The following CDK5RAP2 variants were observed in gnomAD, a reference collection of about 807,000 sequenced individuals.
CDK5RAP2 encodes the protein CDK5 regulatory subunit-associated protein 2.
A neutral mutation model predicts 232.9 loss-of-function variants in CDK5RAP2; 147 were observed. The observed-to-expected ratio is 0.63, with a 90% CI of 0.55 to 0.72. The LOEUF (loss-of-function observed/expected upper bound fraction) is 0.72. Ranked by LOEUF, CDK5RAP2 falls within the 30% of genes least tolerant of loss-of-function variation. CDK5RAP2 has a pLI of 0.00. For synonymous variants in CDK5RAP2, 833 were observed against 833.7 expected (o/e 1.00, Z 0.01); for missense variants, 2,195 against 2,231.5 (o/e 0.98, Z 0.33).
intron 15 of CDK5RAP2, 121 bp from the exon 16 acceptor site, chr9:120,471,999 T>C: frequency 7.8e-7 from 1 of 1,280,644 alleles, no homozygotes; most frequent in South Asian, 1.2e-5. Flanking sequence ...TATAAAAGTA[T>C]ATACAGGTTT....
chr9:120,425,732 C>A (rs2034854273), intron 25 of CDK5RAP2, among the ~76,000 whole-genome samples: 1 of 152,186 alleles, frequency 6.6e-6, no homozygotes, highest in Admixed American at 6.5e-5. Context: ...CCTACATGAC[C>A]CAGATGTTTC....
At chr9:120,487,558 T>C (rs1207299255) in intron 13 of CDK5RAP2, 121 bp from the exon 14 acceptor site, 1 of 738,280 alleles carries the variant, frequency 1.4e-6, no homozygotes, top group African/African-American at 1.8e-5. Flanking sequence ...ATCCCCTACA[T>C]AATTTTCATC....
chr9:120,422,467 T>C (rs1343159732), intron 26 of CDK5RAP2, among the ~76,000 whole-genome samples: 1 of 152,198 alleles, frequency 6.6e-6, no homozygotes, highest in African/African-American at 2.4e-5. Flanking sequence ...AATCACCTGA[T>C]AGAGATGACA....
chr9:120,533,538 G>A (rs1370827970), intron 7 of CDK5RAP2, among the ~76,000 whole-genome samples: 1 of 151,304 alleles, frequency 6.6e-6, no homozygotes, highest in Admixed American at 6.6e-5. Context: ...AGTGGCTCAT[G>A]TCTGTAATCC....
chr9:120,475,360 G>A (rs921751138), intron 15 of CDK5RAP2, among the ~76,000 whole-genome samples: 1 of 152,072 alleles, frequency 6.6e-6, no homozygotes, highest in African/African-American at 2.4e-5. Flanking sequence ...GCCCTGACCC[G>A]CCTCAGTCCC....
chr9:120,486,706 G>T (rs1332493567), intron 14 of CDK5RAP2, among the ~76,000 whole-genome samples: 1 of 152,032 alleles, frequency 6.6e-6, no homozygotes, highest in Non-Finnish European at 1.5e-5. Flanking sequence ...GGAAAACGGG[G>T]GACCACACTA....
At chr9:120,446,004 C>A (rs1588356399) in intron 22 of CDK5RAP2, among the ~76,000 whole-genome samples, 1 of 152,248 alleles carries the variant, frequency 6.6e-6, no homozygotes, top group Non-Finnish European at 1.5e-5. Flanking sequence ...CAACTCCATC[C>A]TTCCAAAGGT....
At position 120,580,113 on chromosome 9, in the gene CDK5RAP2, T is replaced by C; in HGVS notation, c.-135A>G. The C allele has an allele frequency of 6.7e-6, 4 of 593,530 alleles. No individual in the cohort carries two copies. The highest frequency in any genetic ancestry group is 3.0e-5 in the East Asian group (1 of 33,118). The allele number at this position is 593,530 out of a possible 1,614,324, so 36.8% of individuals were successfully genotyped here. A position where few individuals can be genotyped will look rare whatever the true frequency, so the allele number is the denominator to read the frequency against. On this transcript the variant is annotated 5_prime_UTR_variant, in exon 1 of 38. Coordinates refer to ENST00000349780, the MANE Select transcript of CDK5RAP2 (RefSeq NM_018249.6). ...CTTGTTCAGACTCTGGCGGCGCCGC[T>C]GGAATTCAAACCACAGACGCCGCCA...
chr9:120,446,621 A>ATTC (rs2036208696), intron 22 of CDK5RAP2, among the ~76,000 whole-genome samples: 17 of 152,274 alleles, frequency 1.1e-4, no homozygotes, highest in Non-Finnish European at 7.4e-5. Flanking sequence ...GAGTCCTAGA[A>ATTC]TGGCCTTTGA....
At position 120,403,166 on chromosome 9, in the gene CDK5RAP2, A is replaced by G; in HGVS notation, c.5042-95T>C. The G allele has an allele frequency of 1.5e-6, 2 of 1,345,822 alleles. No homozygotes were observed. Among genetic ancestry groups the G allele is most frequent in the South Asian group, 1.2e-5 (1 of 82,104 alleles). The allele number at this position is 1,345,822 out of a possible 1,614,324, so 83.4% of individuals were successfully genotyped here. A position where few individuals can be genotyped will look rare whatever the true frequency, so the allele number is the denominator to read the frequency against. On this transcript the variant is annotated intron_variant, in intron 33 of 37. Transcript: ENST00000349780. This position sits in a 1 kb window ranked among gnomAD's most constrained non-coding sequence, Gnocchi z 4.2. Reference sequence around the variant, plus strand: ...TGAAGCTAGCTAGGAGGGCTAGAAGAGGCCCTCGTGCCCAAATGCCACCCA... The same window carrying G: ...TGAAGCTAGCTAGGAGGGCTAGAAGGGGCCCTCGTGCCCAAATGCCACCCA...
chr9:120,461,525 T>C (rs2037086849), intron 18 of CDK5RAP2, among the ~76,000 whole-genome samples: 1 of 152,162 alleles, frequency 6.6e-6, no homozygotes, highest in East Asian at 1.9e-4. Flanking sequence ...ATGTCAAAAT[T>C]ATACCAAACC....
At position 120,580,053 on chromosome 9, in the gene CDK5RAP2, G is replaced by A. The variant is rs1409623359; in HGVS notation, c.-75C>T. The A allele has an allele frequency of 1.1e-6, 1 of 911,268 alleles. No individual in the cohort carries two copies. The highest frequency in any genetic ancestry group is 1.8e-6 in the Non-Finnish European group (1 of 561,246). 56.4% of individuals were successfully genotyped at this position (911,268 alleles called of 1,614,324 possible). ...GTACCCCCCGCGATAGCGACCCGCC[G>A]GGCTCCCCAGGTCCCCGCCCCCTCC... On this transcript the variant is annotated 5_prime_UTR_variant, in exon 1 of 38. Coordinates refer to ENST00000349780, the MANE Select transcript of CDK5RAP2 (RefSeq NM_018249.6).
At chr9:120,391,785 G>A (rs1260409168) in intron 36 of CDK5RAP2, among the ~76,000 whole-genome samples, 1 of 152,242 alleles carries the variant, frequency 6.6e-6, no homozygotes, top group Non-Finnish European at 1.5e-5. Context: ...GACGGAGGAA[G>A]AGGAGGTGCT....
At chr9:120,519,952 A>C (rs1445709599) in intron 11 of CDK5RAP2, among the ~76,000 whole-genome samples, 3 of 152,172 alleles carry the variant, frequency 2.0e-5, no homozygotes, top group Non-Finnish European at 4.4e-5. Context: ...ATGCTAGTTC[A>C]ATGGCCAGCC....
In CDK5RAP2 at chr9:120,402,847, G is replaced by A. The variant is rs762693479; in HGVS notation, c.5266C>T (p.Gln1756Ter). Residue 1756 changes from glutamine to a stop codon, truncating the protein, a stop_gained, in exon 34 of 38, where the codon CAA (glutamine) becomes TAA (stop). Transcript: ENST00000349780. LOFTEE classifies it high-confidence loss of function. The stretch of plus-strand genomic sequence containing the variant: ...TGACTTGTGGAGCTGGGAGCCTCTT[G>A]GGTTTGAATGTCCATTTCAGCAAGG... ...RLLAEMDIQTQEAPSSTSQEL... is the reference protein window; with the variant it reads ...RLLAEMDIQT 1 of 1,614,124 alleles carries A rather than the reference G, an allele frequency of 6.2e-7. No individual in the cohort carries two copies. Among genetic ancestry groups the A allele is most frequent in the Admixed American group, 1.7e-5 (1 of 60,026 alleles).
At position 120,403,088 on chromosome 9, in the gene CDK5RAP2, AG is replaced by A; in HGVS notation, c.5042-18del. On this transcript the variant is annotated intron_variant, in intron 33 of 37. Coordinates refer to ENST00000349780, the MANE Select transcript of CDK5RAP2 (RefSeq NM_018249.6). This position sits in a 1 kb window ranked among gnomAD's most constrained non-coding sequence, Gnocchi z 4.2. ...TCTCTGAAACTGTAAAATGAGAAGT[AG>A]GATGTAAAATCTGTTTCAGGTAACA... The A allele has an allele frequency of 2.5e-6, 4 of 1,613,674 alleles. No individual in the cohort carries two copies. Among genetic ancestry groups the A allele is most frequent in the Non-Finnish European group, 2.5e-6 (3 of 1,179,580 alleles).
chr9:120,493,443 T>C (rs1301623520), intron 12 of CDK5RAP2, among the ~76,000 whole-genome samples: 3 of 152,240 alleles, frequency 2.0e-5, no homozygotes, highest in Admixed American at 6.5e-5. Context: ...TTTCTCTTTA[T>C]AGACGTATTC....
chr9:120,538,918 C>T, intron 6 of CDK5RAP2, 123 bp downstream of exon 6: 4 of 1,037,850 alleles, frequency 3.9e-6, no homozygotes, highest in Non-Finnish European at 6.0e-6. Context: ...CCAGGAGATG[C>T]TCAATAAGGG....
Position 120,499,542 on chromosome 9 carries a change from T to A in CDK5RAP2, c.1312-8065A>T, listed in dbSNP as rs2039478437. ...CATAATTGGTAAAGTAACATTTTTT[T>A]AAATGCTTTAAAAATTGTTAATTTT... is the stretch of plus-strand genomic sequence containing the variant. On this transcript the variant is annotated intron_variant, in intron 12 of 37. Coordinates refer to ENST00000349780, the MANE Select transcript of CDK5RAP2 (RefSeq NM_018249.6). Among the ~76,000 whole-genome samples the A allele has an allele frequency of 3.9e-5, 6 of 152,208 alleles. No individual in the cohort carries two copies. In the East Asian group the frequency reaches 9.6e-4, roughly 24 times the overall value.
Sources: gnomAD v4.1 joint callset for allele counts (sites outside exome capture counted in the v4.1 genomes callset) on GRCh38, gnomAD v4.1.1 for gene constraint, Gnocchi (gnomAD v3.1) non-coding constraint, MANE v1.5 for transcripts, NCBI Gene and HGNC (gene_info 2026-07-23, HGNC 2026-07-21) for gene names.